The following KLRG1 variants were observed in gnomAD, a reference collection of about 807,000 sequenced individuals.
The protein encoded by KLRG1 is killer cell lectin-like receptor subfamily G member 1.
KLRG1 carries 16 observed loss-of-function variants against 21.8 expected under a neutral mutation model. The observed-to-expected ratio is 0.73, with a 90% confidence interval of 0.50 to 1.11. The LOEUF is 1.11. Among genes scored for constraint, KLRG1 ranks in the 50% most tolerant of loss-of-function variants. KLRG1 has a pLI of 0.00. For missense variants in KLRG1, 173 were observed against 218.3 expected, an observed-to-expected ratio of 0.79 and a Z score of 1.31; for synonymous variants, 69 against 75.9, an observed-to-expected ratio of 0.91 and a Z score of 0.47.
At chr12:9,154,738 C>T in the KLRG1 span, 4 of 1,614,102 alleles carry the variant, frequency 2.5e-6, no homozygotes, top group Non-Finnish European at 3.4e-6. Flanking sequence ...GCGAGGAGCA[C>T]ATAGGATGTC....
At chr12:9,118,252 G>T in the KLRG1 span, among the ~76,000 whole-genome samples, 1 of 152,260 alleles carries the variant, frequency 6.6e-6, no homozygotes, top group African/African-American at 2.4e-5. Flanking sequence ...GGTGCAGACT[G>T]CCTAGTTGAC....
At chr12:9,080,721 G>A in the KLRG1 span, among the ~76,000 whole-genome samples, 3 of 152,274 alleles carry the variant, frequency 2.0e-5, no homozygotes, top group East Asian at 5.8e-4. Flanking sequence ...AACAGTATTT[G>A]ATGCATTGAA....
chr12:9,032,798 A>G, the KLRG1 span, among the ~76,000 whole-genome samples: 12 of 152,100 alleles, frequency 7.9e-5, no homozygotes, highest in Admixed American at 1.3e-4. Context: ...CCTGCAACTC[A>G]TGAGTCAATC....
intron 1 of KLRG1, among the ~76,000 whole-genome samples, chr12:8,983,281 C>T (rs1179472697): frequency 6.6e-6 from 1 of 151,242 alleles, no homozygotes; most frequent in Non-Finnish European, 1.5e-5. Flanking sequence ...TGCTGGACTG[C>T]TCATGACAAA....
At chr12:9,040,345 G>A in the KLRG1 span, among the ~76,000 whole-genome samples, 38 of 152,282 alleles carry the variant, frequency 2.5e-4, no homozygotes, top group South Asian at 7.3e-3. Flanking sequence ...CGCCTTCTGT[G>A]TTGGGCTATC....
the KLRG1 span, among the ~76,000 whole-genome samples, chr12:9,204,590 C>T: frequency 2.0e-5 from 3 of 152,074 alleles, no homozygotes; most frequent in East Asian, 1.9e-4. Context: ...ATTTTATCAA[C>T]GAGTTTGAAA....
chr12:9,139,247 T>C, the KLRG1 span, among the ~76,000 whole-genome samples: 1 of 152,334 alleles, frequency 6.6e-6, no homozygotes, highest in East Asian at 1.9e-4. Context: ...GTCTTCCTTC[T>C]GTTATTGATT....
the KLRG1 span, among the ~76,000 whole-genome samples, chr12:9,070,897 C>T: frequency 6.6e-5 from 10 of 151,774 alleles, no homozygotes; most frequent in East Asian, 5.8e-4. Flanking sequence ...TTCGGCTCAC[C>T]GCAACCTCCG....
At chr12:8,985,892 G>A (rs975668977), upstream of KLRG1, among the ~76,000 whole-genome samples, 1 of 152,132 alleles carries the variant, frequency 6.6e-6, no homozygotes, top group Non-Finnish European at 1.5e-5. Context: ...TAAAGGGCAG[G>A]ACCCTCTCTG....
At chr12:9,082,031 G>A in the KLRG1 span, among the ~76,000 whole-genome samples, 3 of 152,190 alleles carry the variant, frequency 2.0e-5, no homozygotes, top group Non-Finnish European at 4.4e-5. Context: ...AGCTTCAGAG[G>A]TTATGCCAGT....
the KLRG1 span, chr12:9,070,507 A>C: frequency 6.2e-7 from 1 of 1,613,644 alleles, no homozygotes. Context: ...TGTTGGCTTC[A>C]GGGGAATGAA....
chr12:9,113,967 C>T, the KLRG1 span, among the ~76,000 whole-genome samples: 1 of 152,186 alleles, frequency 6.6e-6, no homozygotes, highest in East Asian at 1.9e-4. Context: ...TATATATACA[C>T]ACATACATAC....
At chr12:9,158,418 A>G in the KLRG1 span, 4 of 1,613,950 alleles carry the variant, frequency 2.5e-6, no homozygotes, top group Non-Finnish European at 3.4e-6. Flanking sequence ...GGAACAGTTC[A>G]CCTTTATGGC....
chr12:9,053,209 G>A, the KLRG1 span, among the ~76,000 whole-genome samples: 3 of 72,674 alleles, frequency 4.1e-5, no homozygotes, highest in African/African-American at 1.3e-4. Flanking sequence ...GCCTGCGACG[G>A]GGTGTCCTGT....
the KLRG1 span, among the ~76,000 whole-genome samples, chr12:9,025,647 C>G: frequency 6.6e-6 from 1 of 151,994 alleles, no homozygotes; most frequent in South Asian, 2.1e-4. Flanking sequence ...AAAAAAAACC[C>G]AAAAAATATG....
chr12:9,162,599 G>A, the KLRG1 span: 1 of 1,585,210 alleles, frequency 6.3e-7, no homozygotes, highest in East Asian at 2.2e-5. Context: ...ACTCTTACCT[G>A]AGGCACAGGT....
chr12:9,086,658 T>C, the KLRG1 span, among the ~76,000 whole-genome samples: 1 of 152,226 alleles, frequency 6.6e-6, no homozygotes, highest in African/African-American at 2.4e-5. Context: ...ATAAAGGGCA[T>C]GTATGATAAA....
At chr12:9,181,243 A>G in the KLRG1 span, 5 of 1,353,322 alleles carry the variant, frequency 3.7e-6, no homozygotes, top group Non-Finnish European at 5.1e-6. Context: ...CTATGTTGGT[A>G]ATGTCAGTCA....
At chr12:9,136,988 A>C in the KLRG1 span, among the ~76,000 whole-genome samples, 1 of 152,080 alleles carries the variant, frequency 6.6e-6, no homozygotes, top group Non-Finnish European at 1.5e-5. Flanking sequence ...TTGTCTTTTC[A>C]CTTTGTTGAT....
Sources: allele counts gnomAD v4.1 joint callset (sites outside exome capture counted in the v4.1 genomes callset), GRCh38; gene constraint gnomAD v4.1.1; transcripts MANE v1.5; gene names NCBI Gene and HGNC (gene_info 2026-07-23, HGNC 2026-07-21).